Variants in NR2F1-AS1 observed in about 807,000 individuals in gnomAD.
NR2F1-AS1 encodes the protein NR2F1 regulatory antisense RNA 1.
At chr5:93,413,064 GT>G (rs1231337958) in intron 4 of NR2F1-AS1, among the ~76,000 whole-genome samples, 2 of 13,210 alleles carry the variant, frequency 1.5e-4, no homozygotes, top group Non-Finnish European at 3.1e-4. Flanking sequence ...TAGCACTATG[GT>G]GTGTGTGTGT....
At chr5:93,427,416 C>T (rs1193259865) in intron 4 of NR2F1-AS1, among the ~76,000 whole-genome samples, 1 of 152,174 alleles carries the variant, frequency 6.6e-6, no homozygotes, top group Non-Finnish European at 1.5e-5. Flanking sequence ...TCAGTGACAA[C>T]CCTGAAACAC....
chr5:93,527,301 C>T (rs986960741), intron 4 of NR2F1-AS1, among the ~76,000 whole-genome samples: 2 of 152,062 alleles, frequency 1.3e-5, no homozygotes, highest in Non-Finnish European at 2.9e-5. Flanking sequence ...ATGTGAAGGA[C>T]CTCTTCAAGG....
At chr5:93,442,360 A>G (rs919972642) in intron 4 of NR2F1-AS1, among the ~76,000 whole-genome samples, 1 of 152,176 alleles carries the variant, frequency 6.6e-6, no homozygotes, top group Non-Finnish European at 1.5e-5. Flanking sequence ...TGCTTTTCCA[A>G]TGGTCTTAGC....
At chr5:93,438,471 A>G (rs145096000) in intron 4 of NR2F1-AS1, among the ~76,000 whole-genome samples, 43 of 152,248 alleles carry the variant, frequency 2.8e-4, no homozygotes, top group African/African-American at 4.3e-4. Context: ...TAGTCATTCT[A>G]TCTGCTTAAT....
intron 2 of NR2F1-AS1, among the ~76,000 whole-genome samples, chr5:93,561,877 G>C (rs1325294463): frequency 6.6e-6 from 1 of 152,036 alleles, no homozygotes; most frequent in African/African-American, 2.4e-5. Context: ...AACAGACTTT[G>C]TTAGCTGAGT....
At chr5:93,531,993 T>C (rs1395464062) in intron 4 of NR2F1-AS1, among the ~76,000 whole-genome samples, 1 of 152,210 alleles carries the variant, frequency 6.6e-6, no homozygotes. Flanking sequence ...TCTCTACCTT[T>C]TTTCTTCATA....
intron 2 of NR2F1-AS1, among the ~76,000 whole-genome samples, chr5:93,557,313 C>T (rs568492144): frequency 6.6e-6 from 1 of 152,088 alleles, no homozygotes; most frequent in Non-Finnish European, 1.5e-5. Context: ...TTGGTATAGA[C>T]CAGGAATGGG....
At chr5:93,557,509 A>G (rs535929032) in intron 2 of NR2F1-AS1, among the ~76,000 whole-genome samples, 1 of 152,330 alleles carries the variant, frequency 6.6e-6, no homozygotes, top group South Asian at 2.1e-4. Flanking sequence ...AATGAAGTCT[A>G]TTAAATATGT....
At chr5:93,502,354 C>G (rs1346633766) in intron 4 of NR2F1-AS1, among the ~76,000 whole-genome samples, 1 of 152,020 alleles carries the variant, frequency 6.6e-6, no homozygotes, top group Non-Finnish European at 1.5e-5. Flanking sequence ...AACATCTAAC[C>G]CCCAAAAAAG....
chr5:93,565,968 C>T (rs1363178855), intron 1 of NR2F1-AS1, among the ~76,000 whole-genome samples: 1 of 151,660 alleles, frequency 6.6e-6, no homozygotes, highest in Admixed American at 6.6e-5. Flanking sequence ...ACATACTTAA[C>T]AATCTGTACT....
chr5:93,579,229 G>A lies in NR2F1-AS1; in HGVS notation n.313+1238C>T, dbSNP rs1752963905. 6.6e-6 allele frequency among the ~76,000 whole-genome samples: 1 copy of A among 152,036 alleles called. No individual in the cohort carries two copies. Among genetic ancestry groups the A allele is most frequent in the Non-Finnish European group, 1.5e-5 (1 of 67,998 alleles). ...AGGATGCCCCGTAGGAGTGCGAGCC[G>A]CTCCCCTCCTCCGAAAAGCCGCGGG... On this transcript the variant is annotated intron_variant and non_coding_transcript_variant, in intron 1 of 5. Transcript: ENST00000660523. The surrounding 1 kb of genome is among the most constrained non-coding windows in gnomAD (Gnocchi z 5.1).
intron 4 of NR2F1-AS1, among the ~76,000 whole-genome samples, chr5:93,417,219 T>G (rs767013249): frequency 6.6e-6 from 1 of 152,232 alleles, no homozygotes; most frequent in Non-Finnish European, 1.5e-5. Flanking sequence ...TCAGAGACAA[T>G]GCAAAGGTAA....
intron 4 of NR2F1-AS1, among the ~76,000 whole-genome samples, chr5:93,527,695 C>G (rs1224041043): frequency 6.6e-6 from 1 of 152,138 alleles, no homozygotes; most frequent in Non-Finnish European, 1.5e-5. Flanking sequence ...TAATGCCACA[C>G]ATCTACAACC....
At chr5:93,471,137 A>G (rs902736789) in intron 4 of NR2F1-AS1, among the ~76,000 whole-genome samples, 1 of 151,956 alleles carries the variant, frequency 6.6e-6, no homozygotes, top group East Asian at 1.9e-4. Context: ...CAATTAGACA[A>G]GAATCAATTA....
chr5:93,452,990 A>G (rs1260009131), intron 4 of NR2F1-AS1, among the ~76,000 whole-genome samples: 2 of 152,208 alleles, frequency 1.3e-5, no homozygotes, highest in Non-Finnish European at 2.9e-5. Flanking sequence ...AACACAATCA[A>G]TAGAAACCTA....
At chr5:93,507,665 A>G (rs1315559500) in intron 4 of NR2F1-AS1, among the ~76,000 whole-genome samples, 4 of 152,150 alleles carry the variant, frequency 2.6e-5, no homozygotes, top group Admixed American at 2.6e-4. Flanking sequence ...GCCCCTAACC[A>G]GTTTTAAAAG....
intron 4 of NR2F1-AS1, among the ~76,000 whole-genome samples, chr5:93,507,816 T>A (rs1456030981): frequency 6.6e-6 from 1 of 152,142 alleles, no homozygotes; most frequent in Non-Finnish European, 1.5e-5. Flanking sequence ...AAAAAATTAA[T>A]AGCATTCCTA....
intron 4 of NR2F1-AS1, among the ~76,000 whole-genome samples, chr5:93,455,750 CAA>C: frequency 6.6e-6 from 1 of 151,772 alleles, no homozygotes; most frequent in East Asian, 1.9e-4. Context: ...AGGATCATCT[CAA>C]AAGACATAGA....
upstream of NR2F1-AS1, chr5:93,585,284 G>A (rs1199150324): frequency 6.2e-7 from 1 of 1,604,132 alleles, no homozygotes. Context: ...TCGAGTGCGT[G>A]GTGTGCGGGG....
Sources: gnomAD v4.1 joint callset for allele counts (sites outside exome capture counted in the v4.1 genomes callset) on GRCh38, gnomAD v4.1.1 for gene constraint, Gnocchi (gnomAD v3.1) non-coding constraint, MANE v1.5 for transcripts, NCBI Gene and HGNC (gene_info 2026-07-23, HGNC 2026-07-21) for gene names.